The following TLL1 variants were observed in gnomAD, a reference collection of about 807,000 sequenced individuals.
TLL1 encodes the protein tolloid-like protein 1.
TLL1 carries 49 observed loss-of-function variants against 128.2 expected under a neutral mutation model. The ratio of observed to expected loss-of-function variants is 0.38; its 90% CI spans 0.30 to 0.48. TLL1 has a LOEUF of 0.48. Among genes scored for constraint, TLL1 ranks in the 20% least tolerant of loss-of-function variants. The probability of loss-of-function intolerance (pLI) is 0.96; values close to 1 mark genes in which losing one functional copy is unlikely to be tolerated. For synonymous variants in TLL1, 454 were observed against 418.8 expected, an observed-to-expected ratio of 1.08 and a Z score of -1.03; for missense variants, 1,123 against 1,242.0, an observed-to-expected ratio of 0.90 and a Z score of 1.44.
At chr4:165,992,735 A>G (rs980175103) in intron 2 of TLL1, 69 bp from the exon 3 acceptor site, 3 of 1,357,764 alleles carry the variant, frequency 2.2e-6, no homozygotes, top group South Asian at 1.2e-5. Flanking sequence ...ATTGTTGCCT[A>G]TGACTGTTTT....
intron 20 of TLL1, among the ~76,000 whole-genome samples, chr4:166,100,503 AT>A (rs1392164412): frequency 6.6e-6 from 1 of 152,104 alleles, no homozygotes; most frequent in Non-Finnish European, 1.5e-5. Context: ...AATGTAACGT[AT>A]GTTCAGAGCT....
In TLL1 at chr4:165,989,407, G is replaced by A; in HGVS notation, c.196G>A (p.Asp66Asn). ...AAVFWGDIAL[D>N]DEDLNIFQID... is the part of the protein sequence containing the mutation. ...TGTATTTTGGGGCGATATTGCCTTA[G>A]ATGATGAAGACTTAAATATCTTTCA... The change falls in exon 2 of 21, where the codon GAT becomes AAT. Residue 66 changes from aspartate to asparagine, a missense_variant. Around this residue, in one of 3 missense-constraint regions of TLL1, gnomAD observed 480 missense variants for 542.4 expected, o/e 0.89. Coordinates refer to ENST00000061240, the MANE Select transcript of TLL1 (RefSeq NM_012464.5). The A allele has an allele frequency of 6.2e-7, 1 of 1,612,608 alleles. No homozygotes were observed. The highest frequency in any genetic ancestry group is 8.5e-7 in the Non-Finnish European group (1 of 1,179,268).
At chr4:165,971,949 G>A (rs1265592732) in intron 1 of TLL1, among the ~76,000 whole-genome samples, 2 of 152,256 alleles carry the variant, frequency 1.3e-5, no homozygotes, top group Non-Finnish European at 2.9e-5. Flanking sequence ...TACAGGGTTA[G>A]AGTGACAGCA....
At chr4:166,043,140 C>T (rs977428080) in intron 11 of TLL1, 134 bp from the exon 12 acceptor site, 26 of 1,177,248 alleles carry the variant, frequency 2.2e-5, no homozygotes, top group African/African-American at 3.0e-5. Flanking sequence ...TACAACCAGT[C>T]AACTTTGATT....
At chr4:165,986,741 C>G (rs1736408335) in intron 1 of TLL1, among the ~76,000 whole-genome samples, 1 of 152,050 alleles carries the variant, frequency 6.6e-6, no homozygotes, top group Middle Eastern at 3.4e-3. Flanking sequence ...AGTGACTTAT[C>G]CTTGGACTGT....
At position 166,087,542 on chromosome 4, in the gene TLL1, G is replaced by A. The variant is rs150228149; in HGVS notation, c.2443-3586G>A. On this transcript the variant is annotated intron_variant, in intron 18 of 20. Transcript: ENST00000061240. Reference sequence around the variant, plus strand: ...ATGGCTGGGACTGGGGACCTCTAAAGCTTATCTTACAGTTGCTCAAATTGC... The same window carrying A: ...ATGGCTGGGACTGGGGACCTCTAAAACTTATCTTACAGTTGCTCAAATTGC... 6.0e-4 allele frequency among the ~76,000 whole-genome samples: 92 copies of A among 152,222 alleles called. 1 individual carries two copies. In the East Asian group the frequency reaches 0.017, roughly 28 times the overall value.
At chr4:165,911,935 G>T (rs915847163) in intron 1 of TLL1, among the ~76,000 whole-genome samples, 1 of 152,126 alleles carries the variant, frequency 6.6e-6, no homozygotes, top group African/African-American at 2.4e-5. Flanking sequence ...GAGTGCAGTG[G>T]CATGATCTTG....
intron 1 of TLL1, among the ~76,000 whole-genome samples, chr4:165,903,412 G>GTT (rs563542442): frequency 1.4e-3 from 170 of 125,270 alleles, no homozygotes; most frequent in South Asian, 6.7e-3. Context: ...TCTTTTTCTT[G>GTT]TTTTTTTTTT....
At chr4:165,979,488 A>T (rs553076639) in intron 1 of TLL1, among the ~76,000 whole-genome samples, 2 of 152,296 alleles carry the variant, frequency 1.3e-5, no homozygotes, top group African/African-American at 4.8e-5. Context: ...ACAGATACAT[A>T]TGAGTTTGGA....
At chr4:166,045,401 C>T (rs1391042661) in intron 12 of TLL1, among the ~76,000 whole-genome samples, 1 of 152,142 alleles carries the variant, frequency 6.6e-6, no homozygotes, top group African/African-American at 2.4e-5. Context: ...TACCTTTTCT[C>T]TTAAGCCCTG....
chr4:165,948,822 C>T (rs1423780366), intron 1 of TLL1, among the ~76,000 whole-genome samples: 4 of 152,072 alleles, frequency 2.6e-5, no homozygotes. Context: ...CTCTTGGAAA[C>T]ACTGAAAGAA....
chr4:166,091,326 G>A lies in TLL1; in HGVS notation c.2641G>A (p.Ala881Thr). ...DASVQRKGFQ[A>T]THSTECGGRL... ...ATCTGTTCAAAGAAAAGGCTTTCAA[G>A]CTACACATTCTACAGGTCAGCAAAT... Residue 881 changes from alanine (A) to threonine (T), a missense_variant, in exon 19 of 21, where the codon GCT (alanine) becomes ACT (threonine). Physicochemically the swap from Ala to Thr is moderately conservative, Grantham distance 58 (BLOSUM62 0). Coordinates refer to ENST00000061240, the MANE Select transcript of TLL1 (RefSeq NM_012464.5). 2 of 1,612,672 alleles carry A rather than the reference G, an allele frequency of 1.2e-6. No individual in the cohort carries two copies. The highest frequency in any genetic ancestry group is 1.7e-6 in the Non-Finnish European group (2 of 1,179,230).
At position 166,099,292 on chromosome 4, in the gene TLL1, T is replaced by G; in HGVS notation, c.2672T>G (p.Leu891Trp). ...ATHSTECGGR[L>W]KAESKPRDLY... ...TCCTGGGCAGAGTGTGGCGGACGAT[T>G]GAAAGCAGAATCAAAACCAAGAGAT... The change falls in exon 20 of 21, where the codon TTG (leucine) becomes TGG (tryptophan). Residue 891 changes from leucine (L) to tryptophan (W), a missense_variant. By Grantham distance (61) the Leu-to-Trp change is moderately conservative. This residue lies in a region of TLL1 where 634 missense variants were observed against 672.4 expected (regional missense o/e 0.94). Coordinates refer to ENST00000061240, the MANE Select transcript of TLL1 (RefSeq NM_012464.5). The G allele has an allele frequency of 6.2e-7, 1 of 1,613,470 alleles. No individual in the cohort carries two copies. The highest frequency in any genetic ancestry group is 8.5e-7 in the Non-Finnish European group (1 of 1,179,606).
chr4:165,903,913 T>G (rs1194286632), intron 1 of TLL1, among the ~76,000 whole-genome samples: 3 of 150,258 alleles, frequency 2.0e-5, no homozygotes, highest in Admixed American at 6.6e-5. Flanking sequence ...ATATATAGGG[T>G]TTTTTTGGTA....
In TLL1 at chr4:166,085,604, A is replaced by G. The variant is rs142403554; in HGVS notation, c.2443-5524A>G. Among the ~76,000 whole-genome samples the G allele has an allele frequency of 7.6e-3, 1,160 of 152,152 alleles. 9 individuals carry two copies. The highest frequency in any genetic ancestry group is 0.014 in the Non-Finnish European group (926 of 67,970). ...TTTATAGATCTGTGTATGTTGAACC[A>G]TCCTTGCATCCTTGGGATGAATCCC... is the stretch of plus-strand genomic sequence containing the variant. On this transcript the variant is annotated intron_variant, in intron 18 of 20. Coordinates refer to ENST00000061240, the MANE Select transcript of TLL1 (RefSeq NM_012464.5).
intron 1 of TLL1, among the ~76,000 whole-genome samples, chr4:165,940,288 A>G (rs1733947365): frequency 6.6e-6 from 1 of 151,948 alleles, no homozygotes; most frequent in African/African-American, 2.4e-5. Flanking sequence ...TCTTTCTTCA[A>G]AGTTGTATGT....
intron 8 of TLL1, among the ~76,000 whole-genome samples, chr4:166,018,960 A>G (rs535997557): frequency 1.1e-4 from 16 of 152,358 alleles, no homozygotes; most frequent in African/African-American, 3.8e-4. Flanking sequence ...CTGTGTATAT[A>G]TCCAAACCAA....
chr4:165,892,369 C>T (rs1002086052), intron 1 of TLL1, among the ~76,000 whole-genome samples: 1 of 152,102 alleles, frequency 6.6e-6, no homozygotes, highest in Non-Finnish European at 1.5e-5. Flanking sequence ...GGCAATGTAC[C>T]TTTTAAAGGA....
Position 166,104,394 on chromosome 4 carries a change from A to T in TLL1, c.*3518A>T, listed in dbSNP as rs1334012295. ...AGACTTGCCTTATGGAAAATTTTTG[A>T]TACCACTTGTTAAATCAGGCATGGG... On this transcript the variant is annotated 3_prime_UTR_variant, in exon 21 of 21. Coordinates refer to ENST00000061240, the MANE Select transcript of TLL1 (RefSeq NM_012464.5). Among the ~76,000 whole-genome samples, 1 of 151,960 alleles carries T rather than the reference A, an allele frequency of 6.6e-6. No homozygotes were observed. Among genetic ancestry groups the T allele is most frequent in the African/African-American group, 2.4e-5 (1 of 41,420 alleles).
Sources: gnomAD v4.1 joint callset for allele counts (sites outside exome capture counted in the v4.1 genomes callset) on GRCh38, gnomAD v4.1.1 for gene constraint, gnomAD v4.1.1 regional missense constraint, MANE v1.5 for transcripts, NCBI Gene and HGNC (gene_info 2026-07-23, HGNC 2026-07-21) for gene names.